Variants in SGCZ observed in about 807,000 individuals in gnomAD.
SGCZ encodes sarcoglycan zeta.
In SGCZ, 40 loss-of-function variants were observed where a neutral mutation model predicts 41.3. The ratio of observed to expected loss-of-function variants is 0.97; its 90% CI spans 0.75 to 1.26. The LOEUF is 1.26. Ranked by LOEUF, SGCZ falls within the 50% of genes most tolerant of loss-of-function variation. The pLI is 0.00. For synonymous variants in SGCZ, 206 were observed against 137.5 expected (o/e 1.50, Z -3.49); for missense variants, 552 against 369.8 (o/e 1.49, Z -4.04).
In SGCZ at chr8:14,287,317, T is replaced by C. The variant is rs192743518; in HGVS notation, c.336+36786A>G. ...CATTTCAATGTCATACTGGGTGTTA[T>C]GTGTCAGTTTAAGTTGAACATAATT... On this transcript the variant is annotated intron_variant, in intron 3 of 7. Transcript: ENST00000382080. Among the ~76,000 whole-genome samples the C allele has an allele frequency of 7.8e-3, 1,191 of 152,080 alleles. 5 individuals are homozygous for C. Among genetic ancestry groups the C allele is most frequent in the Middle Eastern group, 0.024 (7 of 294 alleles).
At chr8:14,522,198 T>C (rs1466718438) in intron 2 of SGCZ, among the ~76,000 whole-genome samples, 1 of 152,072 alleles carries the variant, frequency 6.6e-6, no homozygotes, top group Non-Finnish European at 1.5e-5. Context: ...GTGGTCTATA[T>C]TCTATAAGGG....
chr8:14,600,759 T>C (rs1420927573), intron 1 of SGCZ, among the ~76,000 whole-genome samples: 1 of 152,210 alleles, frequency 6.6e-6, no homozygotes, highest in Non-Finnish European at 1.5e-5. Flanking sequence ...GGTATCCTTG[T>C]ACTATTTTAG....
At chr8:14,256,300 C>T (rs187534334) in intron 3 of SGCZ, among the ~76,000 whole-genome samples, 1 of 152,068 alleles carries the variant, frequency 6.6e-6, no homozygotes, top group African/African-American at 2.4e-5. Context: ...TAGATTTTTG[C>T]CATATAGTCA....
chr8:14,454,510 A>G (rs1227683901), intron 2 of SGCZ, among the ~76,000 whole-genome samples: 1 of 152,192 alleles, frequency 6.6e-6, no homozygotes, highest in Non-Finnish European at 1.5e-5. Flanking sequence ...CAATACCAGT[A>G]AAATACCAAT....
At chr8:14,373,404 T>C (rs1426704824) in intron 2 of SGCZ, among the ~76,000 whole-genome samples, 1 of 152,204 alleles carries the variant, frequency 6.6e-6, no homozygotes, top group African/African-American at 2.4e-5. Flanking sequence ...GGGCTAGTGA[T>C]AATCATTTGT....
intron 1 of SGCZ, 25 bp downstream of exon 1, chr8:15,237,560 G>A (rs1281218208): frequency 1.9e-6 from 3 of 1,584,390 alleles, no homozygotes; most frequent in Non-Finnish European, 1.7e-6. Context: ...AAGCGGCCGC[G>A]AAGCCCGCCC....
At chr8:14,984,837 G>A (rs182057211) in intron 1 of SGCZ, among the ~76,000 whole-genome samples, 38 of 152,228 alleles carry the variant, frequency 2.5e-4, no homozygotes, top group African/African-American at 8.9e-4. Flanking sequence ...AGCATTTTGT[G>A]TTTTGGGACG....
intron 3 of SGCZ, among the ~76,000 whole-genome samples, chr8:14,244,764 G>T (rs9325694): frequency 1 from 151,418 of 152,122 alleles, 75,364 homozygotes; most frequent in East Asian, 1. Flanking sequence ...CCTCTTTTAT[G>T]TCATTGATCA....
At chr8:14,285,262 C>G in intron 3 of SGCZ, among the ~76,000 whole-genome samples, 1 of 152,130 alleles carries the variant, frequency 6.6e-6, no homozygotes, top group East Asian at 1.9e-4. Flanking sequence ...TAGTCTTAGT[C>G]TTGTAACCTC....
chr8:14,958,387 G>T (rs1433633611), intron 1 of SGCZ, among the ~76,000 whole-genome samples: 1 of 151,986 alleles, frequency 6.6e-6, no homozygotes, highest in Admixed American at 6.6e-5. Context: ...TCATACAATG[G>T]AATATTTATA....
chr8:15,204,335 C>T, intron 1 of SGCZ, among the ~76,000 whole-genome samples: 1 of 152,262 alleles, frequency 6.6e-6, no homozygotes, highest in Non-Finnish European at 1.5e-5. Context: ...TTTATTTTGA[C>T]AACCGTGTGT....
chr8:14,128,135 T>A (rs946041965), intron 5 of SGCZ, among the ~76,000 whole-genome samples: 11 of 152,172 alleles, frequency 7.2e-5, no homozygotes, highest in Non-Finnish European at 1.3e-4. Flanking sequence ...ACACTGCTGG[T>A]GGGAGTGTAA....
chr8:14,717,472 A>T (rs1009000441), intron 1 of SGCZ, among the ~76,000 whole-genome samples: 1 of 152,140 alleles, frequency 6.6e-6, no homozygotes, highest in African/African-American at 2.4e-5. Context: ...CATCACAAAG[A>T]ATTGAAGAAG....
chr8:14,180,740 G>A (rs1206933842), intron 4 of SGCZ, among the ~76,000 whole-genome samples: 2 of 151,904 alleles, frequency 1.3e-5, no homozygotes, highest in Non-Finnish European at 2.9e-5. Context: ...AAACCCTCAG[G>A]GTTACCTCTG....
intron 7 of SGCZ, among the ~76,000 whole-genome samples, chr8:14,096,468 G>C (rs1180353679): frequency 6.6e-6 from 1 of 152,170 alleles, no homozygotes; most frequent in Non-Finnish European, 1.5e-5. Flanking sequence ...CTTGATCGTG[G>C]TGGATAAGCT....
intron 1 of SGCZ, among the ~76,000 whole-genome samples, chr8:14,558,899 AG>A (rs1804120689): frequency 6.6e-6 from 1 of 152,080 alleles, no homozygotes; most frequent in Non-Finnish European, 1.5e-5. Context: ...ATCCCAATAG[AG>A]GCAAAAAACA....
intron 1 of SGCZ, among the ~76,000 whole-genome samples, chr8:14,936,319 G>A (rs187983249): frequency 7.9e-5 from 12 of 151,946 alleles, no homozygotes; most frequent in African/African-American, 1.7e-4. Flanking sequence ...TATGTCTAAC[G>A]TACCAAGCAT....
chr8:14,681,724 G>C (rs1808451709), intron 1 of SGCZ, among the ~76,000 whole-genome samples: 1 of 151,980 alleles, frequency 6.6e-6, no homozygotes. Flanking sequence ...CTATAATTTA[G>C]CAGCTATTTC....
intron 1 of SGCZ, among the ~76,000 whole-genome samples, chr8:14,652,798 T>A (rs1333788260): frequency 1.3e-5 from 2 of 152,130 alleles, no homozygotes; most frequent in Non-Finnish European, 2.9e-5. Context: ...CCTGTTTAAA[T>A]ATAGATGAGG....
Sources: allele counts gnomAD v4.1 joint callset (sites outside exome capture counted in the v4.1 genomes callset), GRCh38; gene constraint gnomAD v4.1.1; transcripts MANE v1.5; gene names NCBI Gene and HGNC (gene_info 2026-07-23, HGNC 2026-07-21).